Variants in SOX10 observed in about 807,000 individuals in gnomAD.
The protein encoded by SOX10 is transcription factor SOX-10.
A neutral mutation model predicts 35.0 loss-of-function variants in SOX10; 3 were observed. The ratio of observed to expected loss-of-function variants is 0.09; its 90% CI spans 0.04 to 0.22. The LOEUF is 0.22. SOX10 is among the 10% of genes least tolerant of loss of function. SOX10 has a pLI of 1.00. For synonymous variants in SOX10, 285 were observed against 291.0 expected, an observed-to-expected ratio of 0.98 and a Z score of 0.21; for missense variants, 436 against 655.1, an observed-to-expected ratio of 0.67 and a Z score of 3.65.
At chr22:37,981,307 A>AC (rs1227165471) in intron 2 of SOX10, among the ~76,000 whole-genome samples, 3 of 152,012 alleles carry the variant, frequency 2.0e-5, no homozygotes, top group African/African-American at 4.8e-5. Context: ...GTCTCTCAGG[A>AC]CCCCCCTCCA....
rs199750760 is a variant in SOX10, at chr22:37,983,663, C to T, written c.122G>A (p.Gly41Asp). ...LGPDGGGGGS[G>D]LRASPGPGEL... ...GCCTGGCCCCGGGCTGGCTCGCAGG[C>T]CCGATCCGCCGCCGCCGCCGTCGGG... is the stretch of plus-strand genomic sequence containing the variant. The change falls in exon 2 of 4, where the codon GGC (glycine) becomes GAC (aspartate). Residue 41 changes from glycine to aspartate, a missense_variant. Gly to Asp is a moderately conservative substitution (Grantham distance 94, BLOSUM62 -1). Coordinates refer to ENST00000396884, the MANE Select transcript of SOX10 (RefSeq NM_006941.4). The surrounding 1 kb of genome is among the most constrained non-coding windows in gnomAD (Gnocchi z 9.5). 1.9e-6 allele frequency: 3 copies of T among 1,584,728 alleles called. No individual in the cohort carries two copies. The highest frequency in any genetic ancestry group is 2.6e-6 in the Non-Finnish European group (3 of 1,171,482).
chr22:37,973,762 G>C lies in SOX10; in HGVS notation c.1134C>G (p.Ile378Met). 1 of 1,596,754 alleles carries C rather than the reference G, an allele frequency of 6.3e-7. No individual in the cohort carries two copies. The highest frequency in any genetic ancestry group is 2.2e-5 in the East Asian group (1 of 44,568). Residue 378 changes from isoleucine to methionine, a missense_variant, in exon 4 of 4, where the codon ATC (isoleucine) becomes ATG (methionine). Ile to Met is a conservative substitution (Grantham distance 10). Coordinates refer to ENST00000396884, the MANE Select transcript of SOX10 (RefSeq NM_006941.4). The stretch of plus-strand genomic sequence containing the variant: ...GGGGCAGGCTGAGGGAGGTGTAGGC[G>C]ATCTGTGAGGTGGATGGCTGGTCGG... ...HYTDQPSTSQ[I>M]AYTSLSLPHY...
chr22:37,974,825 G>C lies in SOX10; in HGVS notation c.698-627C>G, dbSNP rs929670177. Among the ~76,000 whole-genome samples, 2 of 152,174 alleles carry C rather than the reference G, an allele frequency of 1.3e-5. No homozygotes were observed. The highest frequency in any genetic ancestry group is 2.9e-5 in the Non-Finnish European group (2 of 68,044). On this transcript the variant is annotated intron_variant, in intron 3 of 3. Coordinates refer to ENST00000396884, the MANE Select transcript of SOX10 (RefSeq NM_006941.4). This position sits in a 1 kb window ranked among gnomAD's most constrained non-coding sequence, Gnocchi z 5.4. Reference sequence around the variant, plus strand: ...CCAGGTGGTCTGGCCCAGCCTTTGCGCTCTGCCAGCCCCGCTTCCACACCC... The same window carrying C: ...CCAGGTGGTCTGGCCCAGCCTTTGCCCTCTGCCAGCCCCGCTTCCACACCC...
intron 3 of SOX10, among the ~76,000 whole-genome samples, chr22:37,977,210 G>C (rs1484702772): frequency 6.6e-6 from 1 of 150,718 alleles, no homozygotes; most frequent in Non-Finnish European, 1.5e-5. Context: ...AAGAGGCAGT[G>C]ATTTCCTCTC....
At position 37,980,358 on chromosome 22, in the gene SOX10, T is replaced by TCCCTTGCC. The variant is rs1569170040; in HGVS notation, c.429-2231_429-2224dup. Among the ~76,000 whole-genome samples the TCCCTTGCC allele has an allele frequency of 4.6e-5, 7 of 152,064 alleles. No individual in the cohort carries two copies. Among genetic ancestry groups the TCCCTTGCC allele is most frequent in the African/African-American group, 1.7e-4 (7 of 41,452 alleles). On this transcript the variant is annotated intron_variant, in intron 2 of 3. Coordinates refer to ENST00000396884, the MANE Select transcript of SOX10 (RefSeq NM_006941.4). The surrounding 1 kb of genome is among the most constrained non-coding windows in gnomAD (Gnocchi z 4.1). ...CAGAGCTCACTCTTTCACCTATCCT[T>TCCCTTGCC]CCCTTGCCCCCTGCCCAGCTGGCAG...
intron 2 of SOX10, among the ~76,000 whole-genome samples, chr22:37,981,372 G>A (rs1932390860): frequency 1.3e-5 from 2 of 152,174 alleles, no homozygotes; most frequent in African/African-American, 4.8e-5. Flanking sequence ...CCATGGTTCT[G>A]GCCCCATCCT....
At position 37,973,573 on chromosome 22, in the gene SOX10, G is replaced by A. The variant is rs773505892; in HGVS notation, c.1323C>T (p.Asp441=). 3.7e-6 allele frequency: 6 copies of A among 1,612,948 alleles called. No individual in the cohort carries two copies. The highest frequency in any genetic ancestry group is 2.2e-5 in the South Asian group (2 of 91,072). The change falls in exon 4 of 4, where the codon GAC becomes GAT. Residue 441 remains aspartate (D), a synonymous_variant. Transcript: ENST00000396884. The stretch of plus-strand genomic sequence containing the variant: ...GGGACTGGGGCCCTGAGGGGCTGGG[G>A]TCAGAGATGGCCGTGTAGAGGGGCC... ...SQRPLYTAIS[D]PSPSGPQSHS...
chr22:37,973,543 G>A lies in SOX10; in HGVS notation c.1353C>T (p.Ser451=), dbSNP rs758935474. 1.2e-5 allele frequency: 20 copies of A among 1,611,730 alleles called. No individual in the cohort carries two copies. In the East Asian group the frequency reaches 4.5e-4, roughly 36 times the overall value. ...ATACTGGCTGCTCCCAGTGTGTGGG[G>A]CTGTGGGACTGGGGCCCTGAGGGGC... is the stretch of plus-strand genomic sequence containing the variant. ...DPSPSGPQSH[S]PTHWEQPVYT... The change falls in exon 4 of 4, where the codon AGC becomes AGT. Residue 451 remains serine (S), a synonymous_variant. Transcript: ENST00000396884.
chr22:37,973,451 T>C lies in SOX10; in HGVS notation c.*44A>G. Reference sequence around the variant, plus strand: ...TGGGCAAGGAACAGGGCACACAGGCTGGGGGCAGGGGCTGGGCGGGGGGTG... The same window carrying C: ...TGGGCAAGGAACAGGGCACACAGGCCGGGGGCAGGGGCTGGGCGGGGGGTG... On this transcript the variant is annotated 3_prime_UTR_variant, in exon 4 of 4. Transcript: ENST00000396884. 1 of 1,311,946 alleles carries C rather than the reference T, an allele frequency of 7.6e-7. No homozygotes were observed. The highest frequency in any genetic ancestry group is 1.1e-6 in the Non-Finnish European group (1 of 948,614). 81.3% of individuals were successfully genotyped at this position (1,311,946 alleles called of 1,614,324 possible).
chr22:37,973,959 A>G lies in SOX10; in HGVS notation c.937T>C (p.Tyr313His). 6.2e-7 allele frequency: 1 copy of G among 1,611,686 alleles called. No individual in the cohort carries two copies. The highest frequency in any genetic ancestry group is 8.5e-7 in the Non-Finnish European group (1 of 1,179,940). Residue 313 changes from tyrosine (Y) to histidine (H), a missense_variant, in exon 4 of 4, where the codon TAC becomes CAC. Coordinates refer to ENST00000396884, the MANE Select transcript of SOX10 (RefSeq NM_006941.4). ...CCCAGCCCATAGCCGGCTGCTGAGT[A>G]GCTGCTCACATGGCCTGGGTGCCCA... is the stretch of plus-strand genomic sequence containing the variant. The part of the protein sequence containing the change: ...PNGHPGHVSS[Y>H]SAAGYGLGSA...
chr22:37,976,779 T>A (rs1028157467), intron 3 of SOX10, among the ~76,000 whole-genome samples: 9 of 152,206 alleles, frequency 5.9e-5, no homozygotes, highest in African/African-American at 2.2e-4. Flanking sequence ...CCTAGCACAG[T>A]GCCTGGAACA....
chr22:37,981,114 C>T (rs1219426423), intron 2 of SOX10, among the ~76,000 whole-genome samples: 1 of 152,198 alleles, frequency 6.6e-6, no homozygotes, highest in African/African-American at 2.4e-5. Context: ...TGTGTCTGAT[C>T]CCACACTCCC....
chr22:37,983,473 G>C lies in SOX10; in HGVS notation c.312C>G (p.Val104=). 1 of 1,612,320 alleles carries C rather than the reference G, an allele frequency of 6.2e-7. No individual in the cohort carries two copies. Among genetic ancestry groups the C allele is most frequent in the Non-Finnish European group, 8.5e-7 (1 of 1,179,528 alleles). The change falls in exon 2 of 4, where the codon GTC becomes GTG. Residue 104 remains valine, a synonymous_variant. Transcript: ENST00000396884. This position sits in a 1 kb window ranked among gnomAD's most constrained non-coding sequence, Gnocchi z 9.5. ...VNGASKSKPH[V]KRPMNAFMVW... ...CCATGAAGGCGTTCATGGGCCGCTT[G>C]ACGTGCGGCTTGCTTTTGCTGGCGC...
At chr22:37,981,313 C>T (rs1295912039) in intron 2 of SOX10, among the ~76,000 whole-genome samples, 1 of 152,250 alleles carries the variant, frequency 6.6e-6, no homozygotes, top group Admixed American at 6.5e-5. Flanking sequence ...CAGGACCCCC[C>T]TCCAGGGTCC....
chr22:37,979,161 G>A (rs1017741304), intron 2 of SOX10, among the ~76,000 whole-genome samples: 3 of 151,912 alleles, frequency 2.0e-5, no homozygotes, highest in Non-Finnish European at 2.9e-5. Context: ...GCCGTGATGC[G>A]GTCTCAGCTC....
chr22:37,974,311 A>C lies in SOX10; in HGVS notation c.698-113T>G. ...TCAGGCAGCGGGTGCCTCTGGGAAAACCTTGTAAGTTTCACATTTTGGCAG... is the reference window on the plus strand; with the variant it reads ...TCAGGCAGCGGGTGCCTCTGGGAAACCCTTGTAAGTTTCACATTTTGGCAG... On this transcript the variant is annotated intron_variant, in intron 3 of 3. Coordinates refer to ENST00000396884, the MANE Select transcript of SOX10 (RefSeq NM_006941.4). This position sits in a 1 kb window ranked among gnomAD's most constrained non-coding sequence, Gnocchi z 5.4. 1.3e-6 allele frequency: 1 copy of C among 766,076 alleles called. No individual in the cohort carries two copies. Among genetic ancestry groups the C allele is most frequent in the Non-Finnish European group, 2.1e-6 (1 of 475,350 alleles). 47.5% of individuals were successfully genotyped at this position (766,076 alleles called of 1,614,324 possible).
chr22:37,979,773 G>T (rs1020727150), intron 2 of SOX10, among the ~76,000 whole-genome samples: 1 of 152,080 alleles, frequency 6.6e-6, no homozygotes, highest in Non-Finnish European at 1.5e-5. Flanking sequence ...GGCAGGATGG[G>T]GTACCTTACA....
rs1444622688 is a variant in SOX10 at position 37,974,264 on chromosome 22, C to T, written c.698-66G>A. The T allele has an allele frequency of 1.3e-5, 16 of 1,249,100 alleles. No homozygotes were observed. Among genetic ancestry groups the T allele is most frequent in the Middle Eastern group, 2.5e-4 (1 of 4,014 alleles). 77.4% of individuals were successfully genotyped at this position (1,249,100 alleles called of 1,614,324 possible). On this transcript the variant is annotated intron_variant, in intron 3 of 3. Coordinates refer to ENST00000396884, the MANE Select transcript of SOX10 (RefSeq NM_006941.4). The surrounding 1 kb of genome is among the most constrained non-coding windows in gnomAD (Gnocchi z 5.4). ...AGCAGGTTAGAGGCAGGTGGGCGCA[C>T]GTGAACTTCCATGGTTCACCTTCAG...
rs8136718 is a variant in SOX10 at position 37,978,618 on chromosome 22, G to A, written c.429-483C>T. 3.2e-3 allele frequency among the ~76,000 whole-genome samples: 480 copies of A among 152,280 alleles called. 3 individuals are homozygous for A. The highest frequency in any genetic ancestry group is 0.011 in the African/African-American group (463 of 41,542). ...ACTTACTAGCTGTGTGTGTGACCTTGAGCAAATTACTTCTCTGAGCCTGAG... is the reference window on the plus strand; with the variant it reads ...ACTTACTAGCTGTGTGTGTGACCTTAAGCAAATTACTTCTCTGAGCCTGAG... On this transcript the variant is annotated intron_variant, in intron 2 of 3. Transcript: ENST00000396884. This position sits in a 1 kb window ranked among gnomAD's most constrained non-coding sequence, Gnocchi z 5.0.
Sources: allele counts gnomAD v4.1 joint callset (sites outside exome capture counted in the v4.1 genomes callset), GRCh38; gene constraint gnomAD v4.1.1; non-coding constraint Gnocchi (gnomAD v3.1); transcripts MANE v1.5; gene names NCBI Gene and HGNC (gene_info 2026-07-23, HGNC 2026-07-21).